Variants in SGCZ observed in about 807,000 individuals in gnomAD.
The protein encoded by SGCZ is zeta-sarcoglycan.
Under a neutral mutation model 41.3 loss-of-function variants are expected in SGCZ, and 40 were observed. That is an observed-to-expected ratio of 0.97 (90% CI 0.75 to 1.26). The LOEUF (loss-of-function observed/expected upper bound fraction) is 1.26, where lower values mean the gene tolerates loss of function less well. Among genes scored for constraint, SGCZ ranks in the 50% most tolerant of loss-of-function variants. SGCZ has a pLI of 0.00. For synonymous variants in SGCZ, 206 were observed against 137.5 expected, an observed-to-expected ratio of 1.50 and a Z score of -3.49; for missense variants, 552 against 369.8, an observed-to-expected ratio of 1.49 and a Z score of -4.04.
chr8:14,520,995 T>C (rs1255937413), intron 2 of SGCZ, among the ~76,000 whole-genome samples: 3 of 152,124 alleles, frequency 2.0e-5, no homozygotes, highest in Non-Finnish European at 2.9e-5. Context: ...AATTACAATT[T>C]TTGTTTTGAA....
intron 1 of SGCZ, among the ~76,000 whole-genome samples, chr8:15,172,387 C>T (rs1356934119): frequency 6.6e-6 from 1 of 151,228 alleles, no homozygotes; most frequent in Non-Finnish European, 1.5e-5. Flanking sequence ...GTCTCGATCT[C>T]CTGACCTCGT....
chr8:14,669,371 A>T (rs1011635806), intron 1 of SGCZ, among the ~76,000 whole-genome samples: 1 of 96,478 alleles, frequency 1.0e-5, no homozygotes, highest in African/African-American at 6.0e-5. Flanking sequence ...GTAAGTAAGT[A>T]AGTAAGTAAG....
At chr8:14,873,783 A>T (rs1804250096) in intron 1 of SGCZ, among the ~76,000 whole-genome samples, 1 of 152,152 alleles carries the variant, frequency 6.6e-6, no homozygotes, top group Non-Finnish European at 1.5e-5. Context: ...TTTTACTTTT[A>T]AAAAACCTTG....
At chr8:14,803,182 G>C (rs375977875) in intron 1 of SGCZ, among the ~76,000 whole-genome samples, 2 of 152,114 alleles carry the variant, frequency 1.3e-5, no homozygotes, top group East Asian at 1.9e-4. Context: ...TTTTAAAAAA[G>C]TGAAATAATC....
chr8:14,894,752 G>A (rs567164805), intron 1 of SGCZ, among the ~76,000 whole-genome samples: 42 of 150,750 alleles, frequency 2.8e-4, no homozygotes, highest in Admixed American at 6.0e-4. Flanking sequence ...TCTTCTTTTT[G>A]TTATAAACTA....
intron 1 of SGCZ, among the ~76,000 whole-genome samples, chr8:14,985,840 T>G (rs1254952690): frequency 2.0e-5 from 3 of 152,296 alleles, no homozygotes; most frequent in African/African-American, 7.2e-5. Context: ...TTAGAAACAA[T>G]AAATCTTTAA....
chr8:14,381,214 G>A (rs569941041), intron 2 of SGCZ, among the ~76,000 whole-genome samples: 28 of 152,252 alleles, frequency 1.8e-4, no homozygotes, highest in Middle Eastern at 3.4e-3. Context: ...AATGTTTTTG[G>A]CCAGAGGCCA....
At chr8:14,131,112 C>T (rs1328848321) in intron 5 of SGCZ, among the ~76,000 whole-genome samples, 1 of 152,210 alleles carries the variant, frequency 6.6e-6, no homozygotes. Flanking sequence ...CAAACTTCTG[C>T]TCTTAAACTC....
At chr8:14,770,562 T>C (rs1800201531) in intron 1 of SGCZ, among the ~76,000 whole-genome samples, 1 of 151,916 alleles carries the variant, frequency 6.6e-6, no homozygotes, top group South Asian at 2.1e-4. Flanking sequence ...ATCTTAAATA[T>C]TATAAAGTAT....
chr8:14,257,830 T>A (rs1799517765), intron 3 of SGCZ, among the ~76,000 whole-genome samples: 1 of 152,192 alleles, frequency 6.6e-6, no homozygotes, highest in Non-Finnish European at 1.5e-5. Flanking sequence ...ATAACAAATT[T>A]CTTTGGCAAT....
intron 1 of SGCZ, among the ~76,000 whole-genome samples, chr8:15,004,174 G>A (rs1447924358): frequency 1.3e-5 from 2 of 152,240 alleles, no homozygotes; most frequent in South Asian, 2.1e-4. Context: ...CTAGATACAT[G>A]CTGTTAAGGA....
At chr8:14,282,846 A>ATTTT (rs1563232512) in intron 3 of SGCZ, among the ~76,000 whole-genome samples, 1 of 62,984 alleles carries the variant, frequency 1.6e-5, no homozygotes, top group African/African-American at 6.3e-5. Flanking sequence ...TCTTTCAAAT[A>ATTTT]CTTTTTTTTT....
At chr8:14,433,818 G>A (rs540062189) in intron 2 of SGCZ, among the ~76,000 whole-genome samples, 29 of 152,188 alleles carry the variant, frequency 1.9e-4, no homozygotes, top group African/African-American at 5.3e-4. Context: ...TGAAATGTCC[G>A]TTTTGGAAAA....
intron 1 of SGCZ, among the ~76,000 whole-genome samples, chr8:15,084,441 A>G (rs997233157): frequency 6.6e-6 from 1 of 152,172 alleles, no homozygotes; most frequent in African/African-American, 2.4e-5. Context: ...TAGCAATATT[A>G]GAATACTTCC....
At chr8:14,294,906 T>C (rs1800960809) in intron 3 of SGCZ, among the ~76,000 whole-genome samples, 1 of 152,134 alleles carries the variant, frequency 6.6e-6, no homozygotes, top group South Asian at 2.1e-4. Context: ...TAACAACAAT[T>C]CTGCAAAGGC....
rs568970787 is a variant in SGCZ at position 14,404,435 on chromosome 8, G to A, written c.235-80231C>T. Among the ~76,000 whole-genome samples, 14 of 152,254 alleles carry A rather than the reference G, an allele frequency of 9.2e-5. 1 individual carries two copies. In the South Asian group the frequency reaches 2.3e-3, roughly 25 times the overall value. ...TTTTTGAGCATTCAAAGAGGCAGGGGAGAAAGTAAGAGAATTCAGATAATC... is the reference window on the plus strand; with the variant it reads ...TTTTTGAGCATTCAAAGAGGCAGGGAAGAAAGTAAGAGAATTCAGATAATC... On this transcript the variant is annotated intron_variant, in intron 2 of 7. Transcript: ENST00000382080.
intron 3 of SGCZ, among the ~76,000 whole-genome samples, chr8:14,244,374 G>T (rs766361311): frequency 2.6e-5 from 4 of 151,996 alleles, no homozygotes; most frequent in Non-Finnish European, 5.9e-5. Context: ...CATCATCCCT[G>T]TGCCCAAGGC....
At chr8:15,006,188 A>G (rs1802602525) in intron 1 of SGCZ, among the ~76,000 whole-genome samples, 1 of 152,202 alleles carries the variant, frequency 6.6e-6, no homozygotes, top group Non-Finnish European at 1.5e-5. Flanking sequence ...CACAACGTGG[A>G]AGAATACCCT....
chr8:15,172,157 T>TTTTTTTTATTTA (rs1563164663), intron 1 of SGCZ, among the ~76,000 whole-genome samples: 4 of 90,422 alleles, frequency 4.4e-5, no homozygotes, highest in Non-Finnish European at 7.2e-5. Context: ...ATACTCTGTT[T>TTTTTTTTATTTA]TTTTTTTTTT....
Sources: allele counts gnomAD v4.1 joint callset (sites outside exome capture counted in the v4.1 genomes callset), GRCh38; gene constraint gnomAD v4.1.1; transcripts MANE v1.5; gene names NCBI Gene and HGNC (gene_info 2026-07-23, HGNC 2026-07-21).